LRP2: variants seen among roughly 807,000 people sequenced by gnomAD.
LRP2 encodes the protein LDL receptor related protein 2, also known as low-density lipoprotein receptor-related protein 2.
LRP2 carries 172 observed loss-of-function variants against 531.0 expected under a neutral mutation model. The observed-to-expected ratio is 0.32, with a 90% CI of 0.29 to 0.37. LRP2 has a LOEUF of 0.37. Among genes scored for constraint, LRP2 ranks in the 10% least tolerant of loss-of-function variants. The pLI is 1.00. For missense variants in LRP2, 5,167 were observed against 5,868.3 expected, an observed-to-expected ratio of 0.88 and a Z score of 3.90; for synonymous variants, 1,992 against 2,027.6, an observed-to-expected ratio of 0.98 and a Z score of 0.47.
chr2:169,205,692 A>C (rs1252326381), intron 40 of LRP2, 55 bp from the exon 41 acceptor site: 172 of 270,868 alleles, frequency 6.3e-4, no homozygotes, highest in Middle Eastern at 5.4e-3. Flanking sequence ...ATAGTCCTTT[A>C]AAAAAAAAAA....
In LRP2 at chr2:169,233,449, A is replaced by AG. The variant is rs781182712; in HGVS notation, c.5059dup (p.Leu1687ProfsTer50). On this transcript the variant is annotated frameshift_variant, in exon 30 of 79. Coordinates refer to ENST00000649046, the MANE Select transcript of LRP2 (RefSeq NM_004525.3). LOFTEE classifies it high-confidence loss of function. Reference sequence around the variant, plus strand: ...CGAAGGATGAACCGCAACAATCCCAAGGGGCCATTGAATATTATACATTAC... The same window carrying AG: ...CGAAGGATGAACCGCAACAATCCCAAGGGGGCCATTGAATATTATACATTAC... 6.2e-7 allele frequency: 1 copy of AG among 1,614,136 alleles called. No homozygotes were observed. Among genetic ancestry groups the AG allele is most frequent in the South Asian group, 1.1e-5 (1 of 91,076 alleles).
intron 32 of LRP2, 29 bp downstream of exon 32, chr2:169,226,393 A>T: frequency 6.3e-7 from 1 of 1,580,578 alleles, no homozygotes; most frequent in South Asian, 1.1e-5. Flanking sequence ...AGAATAAATT[A>T]TATACTTTGA....
intron 4 of LRP2, among the ~76,000 whole-genome samples, chr2:169,299,301 GAAAT>G (rs1415372006): frequency 6.6e-6 from 1 of 152,018 alleles, no homozygotes; most frequent in African/African-American, 2.4e-5. Context: ...AGGAAAAAGA[GAAAT>G]AAACTAAGTT....
chr2:169,165,238 G>A (rs1387178731), intron 62 of LRP2, among the ~76,000 whole-genome samples: 3 of 152,058 alleles, frequency 2.0e-5, no homozygotes, highest in Admixed American at 1.3e-4. Context: ...AATTGGAGTC[G>A]GGGAAATGAT....
At chr2:169,314,642 C>T (rs1684710887) in intron 3 of LRP2, among the ~76,000 whole-genome samples, 1 of 152,122 alleles carries the variant, frequency 6.6e-6, no homozygotes, top group Admixed American at 6.5e-5. Context: ...TCTGGAACAG[C>T]AAACAAAATT....
chr2:169,179,731 A>T (rs944997048), intron 52 of LRP2, among the ~76,000 whole-genome samples: 1 of 148,928 alleles, frequency 6.7e-6, no homozygotes, highest in African/African-American at 2.5e-5. Context: ...AAAAAAAAAA[A>T]GTAAGAGTAG....
intron 76 of LRP2, among the ~76,000 whole-genome samples, chr2:169,136,218 T>C (rs1460240102): frequency 2.0e-5 from 3 of 152,124 alleles, no homozygotes; most frequent in Non-Finnish European, 4.4e-5. Flanking sequence ...AAAATCTTCC[T>C]TCAGCTTAAT....
intron 1 of LRP2, among the ~76,000 whole-genome samples, chr2:169,361,495 C>T (rs945804155): frequency 6.6e-6 from 1 of 151,794 alleles, no homozygotes; most frequent in Admixed American, 6.6e-5. Flanking sequence ...TACGCTCTCT[C>T]CTCTTCCCTT....
rs913440484 is a variant in LRP2, at chr2:169,256,411, C to G, written c.2640-175G>C. Among the ~76,000 whole-genome samples, 3 of 151,854 alleles carry G rather than the reference C, an allele frequency of 2.0e-5. No individual in the cohort carries two copies. The South Asian group carries it at 6.2e-4, about 32-fold the overall frequency. On this transcript the variant is annotated intron_variant, in intron 18 of 78. Coordinates refer to ENST00000649046, the MANE Select transcript of LRP2 (RefSeq NM_004525.3). ...TTTTATGTCCCCCAGAAAGAGACGG[C>G]TACTTTTCATGAAGTGGCTTTCAAT...
At chr2:169,356,920 A>C (rs752355165) in intron 1 of LRP2, among the ~76,000 whole-genome samples, 1 of 152,084 alleles carries the variant, frequency 6.6e-6, no homozygotes, top group Non-Finnish European at 1.5e-5. Flanking sequence ...ATATGTAGAC[A>C]CCTCTTTTCA....
At chr2:169,303,972 C>T (rs1684348498) in intron 4 of LRP2, among the ~76,000 whole-genome samples, 1 of 152,138 alleles carries the variant, frequency 6.6e-6, no homozygotes, top group Non-Finnish European at 1.5e-5. Flanking sequence ...TTACAAAGCT[C>T]ATTTCCTCTG....
At chr2:169,327,212 G>A (rs1168851432) in intron 1 of LRP2, among the ~76,000 whole-genome samples, 3 of 123,860 alleles carry the variant, frequency 2.4e-5, no homozygotes, top group African/African-American at 6.8e-5. Flanking sequence ...CTGGCCAGCC[G>A]CCCCATCCGG....
intron 56 of LRP2, 30 bp downstream of exon 56, chr2:169,173,889 T>A: frequency 1.2e-6 from 2 of 1,613,616 alleles, no homozygotes; most frequent in Non-Finnish European, 1.7e-6. Context: ...CCTGCTCTGG[T>A]CATGCCTTGG....
chr2:169,270,219 C>G (rs1266502432), intron 16 of LRP2, among the ~76,000 whole-genome samples: 1 of 152,152 alleles, frequency 6.6e-6, no homozygotes, highest in Admixed American at 6.5e-5. Flanking sequence ...GGATCTAGAA[C>G]TAGAAATAAC....
At chr2:169,239,408 C>A in intron 26 of LRP2, 119 bp downstream of exon 26, 1 of 1,555,562 alleles carries the variant, frequency 6.4e-7, no homozygotes, top group Middle Eastern at 1.9e-4. Context: ...ATTGCATAAT[C>A]TTTCCAGGAT....
chr2:169,156,494 A>C, intron 64 of LRP2, 89 bp from the exon 65 acceptor site: 1 of 1,457,180 alleles, frequency 6.9e-7, no homozygotes, highest in Non-Finnish European at 9.6e-7. Context: ...ATTCACCAGC[A>C]ATGAGGACCG....
In LRP2 at chr2:169,216,411, G is replaced by A; in HGVS notation, c.5668C>T (p.Gln1890Ter). The A allele has an allele frequency of 2.5e-6, 4 of 1,613,470 alleles. No homozygotes were observed. The highest frequency in any genetic ancestry group is 3.4e-6 in the Non-Finnish European group (4 of 1,179,582). Residue 1890 changes from glutamine (Q) to a stop codon, truncating the protein, a stop_gained, in exon 35 of 79, where the codon CAA (glutamine) becomes TAA (stop). Transcript: ENST00000649046. LOFTEE classifies it high-confidence loss of function. ...PARGKLYWSD[Q>*]GTDSGVPAKI... ...GCAGGAACCCCACTGTCAGTTCCTT[G>A]GTCTGACCAGTACAGCTTCCTACAA...
intron 1 of LRP2, among the ~76,000 whole-genome samples, chr2:169,350,573 A>G (rs1685819932): frequency 6.6e-6 from 1 of 151,892 alleles, no homozygotes; most frequent in African/African-American, 2.4e-5. Context: ...AAATACAAAA[A>G]TTAGCCAGGC....
chr2:169,152,645 C>T (rs891688150), intron 67 of LRP2, among the ~76,000 whole-genome samples, 154 bp downstream of exon 67: 2 of 152,044 alleles, frequency 1.3e-5, no homozygotes, highest in African/African-American at 2.4e-5. Context: ...GAGGTAGTTG[C>T]TGGGGCTTCA....
Sources: allele counts gnomAD v4.1 joint callset (sites outside exome capture counted in the v4.1 genomes callset), GRCh38; gene constraint gnomAD v4.1.1; transcripts MANE v1.5; gene names NCBI Gene and HGNC (gene_info 2026-07-23, HGNC 2026-07-21).